NGEF: variants seen among roughly 807,000 people sequenced by gnomAD.
The protein encoded by NGEF is ephexin-1.
A neutral mutation model predicts 80.9 loss-of-function variants in NGEF; 31 were observed. That is an observed-to-expected ratio of 0.38 (90% CI 0.29 to 0.52). NGEF has a LOEUF of 0.52. Among genes scored for constraint, NGEF ranks in the 20% least tolerant of loss-of-function variants. The pLI is 0.84. For missense variants in NGEF, 709 were observed against 926.2 expected, an observed-to-expected ratio of 0.77 and a Z score of 3.04; for synonymous variants, 371 against 370.2, an observed-to-expected ratio of 1.00 and a Z score of -0.03.
chr2:232,897,011 G>GGGAT (rs1692115589), intron 5 of NGEF, among the ~76,000 whole-genome samples: 1 of 127,898 alleles, frequency 7.8e-6, no homozygotes, highest in Admixed American at 7.6e-5. Flanking sequence ...GGTGAGGGTA[G>GGGAT]GGGCGAGTGT....
chr2:232,974,411 T>C (rs1447772317), intron 2 of NGEF, among the ~76,000 whole-genome samples: 5 of 152,212 alleles, frequency 3.3e-5, no homozygotes, highest in African/African-American at 1.2e-4. Context: ...ATTGTCTAAT[T>C]TGGGTCAACC....
chr2:232,893,104 T>C, intron 6 of NGEF, 54 bp from the exon 7 acceptor site: 2 of 1,568,938 alleles, frequency 1.3e-6, no homozygotes, highest in Non-Finnish European at 1.7e-6. Flanking sequence ...GGGTGGGGAA[T>C]TGTCTCACCA....
chr2:232,885,917 C>G (rs2675954), intron 9 of NGEF, among the ~76,000 whole-genome samples: 47,544 of 152,186 alleles, frequency 0.31, 7,588 homozygotes, highest in Admixed American at 0.36. Flanking sequence ...GAGTGAGAAA[C>G]ACGCTCGCCA....
At chr2:233,006,124 T>C (rs930495701) in intron 1 of NGEF, among the ~76,000 whole-genome samples, 1 of 152,202 alleles carries the variant, frequency 6.6e-6, no homozygotes, top group African/African-American at 2.4e-5. Context: ...CCTGCATTGT[T>C]TTAAGCCACA....
chr2:232,963,905 C>G (rs1694004977), intron 3 of NGEF, among the ~76,000 whole-genome samples: 1 of 152,030 alleles, frequency 6.6e-6, no homozygotes, highest in African/African-American at 2.4e-5. Context: ...ATAGAGAACT[C>G]CTACAAATTA....
intron 5 of NGEF, among the ~76,000 whole-genome samples, chr2:232,914,715 T>A (rs1692756380): frequency 1.4e-5 from 2 of 148,016 alleles, no homozygotes; most frequent in South Asian, 4.3e-4. Flanking sequence ...AATATAATAA[T>A]AAAATACAAA....
intron 5 of NGEF, among the ~76,000 whole-genome samples, chr2:232,909,925 T>C (rs1575011072): frequency 1.3e-5 from 2 of 152,384 alleles, no homozygotes; most frequent in Non-Finnish European, 2.9e-5. Context: ...GAAACATCGA[T>C]GCTGTCGCAT....
chr2:232,995,693 G>A (rs1309344791), intron 1 of NGEF, among the ~76,000 whole-genome samples: 1 of 132,184 alleles, frequency 7.6e-6, no homozygotes, highest in Non-Finnish European at 1.5e-5. Context: ...ATATTATAGT[G>A]TATGTATTAT....
At chr2:232,933,111 A>AAAAG (rs1553551286) in intron 3 of NGEF, among the ~76,000 whole-genome samples, 8 of 140,170 alleles carry the variant, frequency 5.7e-5, no homozygotes, top group Admixed American at 2.2e-4. Context: ...CTCCATCTCA[A>AAAAG]AAATAAATAA....
chr2:233,010,369 G>T (rs1695177591), intron 1 of NGEF, among the ~76,000 whole-genome samples: 5 of 152,158 alleles, frequency 3.3e-5, no homozygotes, highest in Admixed American at 3.3e-4. Context: ...AGTGTGAAAA[G>T]AATTACTACC....
chr2:232,907,195 A>AAG (rs1290770007), intron 5 of NGEF, among the ~76,000 whole-genome samples: 7 of 150,536 alleles, frequency 4.7e-5, no homozygotes, highest in African/African-American at 1.5e-4. Flanking sequence ...AAAGAAAAAA[A>AAG]AAAAAAAAGG....
chr2:233,009,693 G>T (rs1695162657), intron 1 of NGEF, among the ~76,000 whole-genome samples: 2 of 152,118 alleles, frequency 1.3e-5, no homozygotes, highest in South Asian at 4.1e-4. Flanking sequence ...TCTAGCTTTG[G>T]GAGACATGGT....
At chr2:232,949,028 C>G (rs917213839) in intron 3 of NGEF, among the ~76,000 whole-genome samples, 3 of 130,286 alleles carry the variant, frequency 2.3e-5, no homozygotes, top group African/African-American at 5.7e-5. Flanking sequence ...AAAAAAACCC[C>G]CCAAAAAAAA....
chr2:233,012,670 C>T (rs555676330), intron 1 of NGEF: 36 of 359,076 alleles, frequency 1.0e-4, no homozygotes, highest in African/African-American at 7.7e-4. Flanking sequence ...TTAGAAGGTG[C>T]CCCGGCTTGC....
intron 3 of NGEF, among the ~76,000 whole-genome samples, chr2:232,931,827 G>A (rs1693219936): frequency 6.6e-6 from 1 of 152,162 alleles, no homozygotes; most frequent in South Asian, 2.1e-4. Context: ...CAGACAAGGG[G>A]AGAATGACTC....
chr2:232,879,236 G>C lies in NGEF; in HGVS notation c.*253C>G, dbSNP rs1205795429. On this transcript the variant is annotated 3_prime_UTR_variant, in exon 15 of 15. Coordinates refer to ENST00000264051, the MANE Select transcript of NGEF (RefSeq NM_019850.3). Reference sequence around the variant, plus strand: ...CCACCCCCTCGGAGGCATGAGGGAGGTGGTGTAATACTGCTGAAACCTTCT... The same window carrying C: ...CCACCCCCTCGGAGGCATGAGGGAGCTGGTGTAATACTGCTGAAACCTTCT... The C allele has an allele frequency of 4.8e-6, 2 of 418,128 alleles. No individual in the cohort carries two copies. Among genetic ancestry groups the C allele is most frequent in the Non-Finnish European group, 8.6e-6 (2 of 232,348 alleles). 25.9% of individuals were successfully genotyped at this position (418,128 alleles called of 1,614,324 possible).
intron 3 of NGEF, among the ~76,000 whole-genome samples, chr2:232,968,288 A>T (rs1450968448): frequency 6.6e-6 from 1 of 151,900 alleles, no homozygotes; most frequent in East Asian, 1.9e-4. Flanking sequence ...GGGTTTCTCT[A>T]TGTTGGTCAG....
At chr2:232,907,611 ATCAGTTAGG>A (rs970464598) in intron 5 of NGEF, among the ~76,000 whole-genome samples, 18 of 152,260 alleles carry the variant, frequency 1.2e-4, no homozygotes, top group African/African-American at 4.3e-4. Context: ...TGGATTGCAC[ATCAGTTAGG>A]TCAGCCTCAT....
At chr2:232,884,326 G>T (rs1414815049) in intron 10 of NGEF, among the ~76,000 whole-genome samples, 182 bp from the exon 11 acceptor site, 1 of 152,240 alleles carries the variant, frequency 6.6e-6, no homozygotes, top group Non-Finnish European at 1.5e-5. Context: ...CTGTGTGTGT[G>T]TGTGTGAACA....
Sources: allele counts gnomAD v4.1 joint callset (sites outside exome capture counted in the v4.1 genomes callset), GRCh38; gene constraint gnomAD v4.1.1; transcripts MANE v1.5; gene names NCBI Gene and HGNC (gene_info 2026-07-23, HGNC 2026-07-21).